The following TBL1XR1 variants were observed in gnomAD, a reference collection of about 807,000 sequenced individuals.
TBL1XR1 encodes the protein F-box-like/WD repeat-containing protein TBL1XR1.
TBL1XR1 carries 5 observed loss-of-function variants against 66.9 expected under a neutral mutation model. That is an observed-to-expected ratio of 0.07 (90% confidence interval 0.04 to 0.16). TBL1XR1 has a LOEUF of 0.16. Ranked by LOEUF, TBL1XR1 falls within the 10% of genes least tolerant of loss-of-function variation. TBL1XR1 has a pLI of 1.00. For synonymous variants in TBL1XR1, 210 were observed against 206.0 expected, an observed-to-expected ratio of 1.02 and a Z score of -0.17; for missense variants, 238 against 623.2, an observed-to-expected ratio of 0.38 and a Z score of 6.58.
rs761647251 is a variant in TBL1XR1 at position 177,189,649 on chromosome 3, C to CAAAAAAAAAAA, written c.-122+7461_-122+7471dup. On this transcript the variant is annotated intron_variant, in intron 1 of 15. Transcript: ENST00000457928. ...TGGGAGACAGAGCAAGACTCCATCTCAAAAAAAAAAAAAAAAGAAGGATGT... is the reference window on the plus strand; with the variant it reads ...TGGGAGACAGAGCAAGACTCCATCTCAAAAAAAAAAAAAAAAAAAAAAAAAAAGAAGGATGT... Among the ~76,000 whole-genome samples, 116 of 45,184 alleles carry CAAAAAAAAAAA rather than the reference C, an allele frequency of 2.6e-3. 4 individuals are homozygous for CAAAAAAAAAAA. The highest frequency in any genetic ancestry group is 9.8e-3 in the African/African-American group (114 of 11,584). The allele number at this position is 45,184 out of a possible 152,430, so 29.6% of individuals were successfully genotyped here. A position where few individuals can be genotyped will look rare whatever the true frequency, so the allele number is the denominator to read the frequency against.
chr3:177,171,376 T>C (rs1460650108), intron 1 of TBL1XR1: 1 of 150,758 alleles, frequency 6.6e-6, no homozygotes, highest in Non-Finnish European at 1.5e-5. Flanking sequence ...ATAAAATCCA[T>C]ATGAAGACAC....
intron 1 of TBL1XR1, among the ~76,000 whole-genome samples, chr3:177,181,973 T>G (rs964252767): frequency 2.0e-5 from 3 of 152,152 alleles, no homozygotes; most frequent in African/African-American, 7.2e-5. Flanking sequence ...TTACCCACAT[T>G]TTGAGTATAT....
chr3:177,170,495 C>G (rs908671677), intron 1 of TBL1XR1, among the ~76,000 whole-genome samples: 1 of 152,180 alleles, frequency 6.6e-6, no homozygotes, highest in Non-Finnish European at 1.5e-5. Context: ...CTAAAAACAG[C>G]CTGTATTATG....
At position 177,032,946 on chromosome 3, in the gene TBL1XR1, G is replaced by C. The variant is rs16827730; in HGVS notation, c.1416+25C>G. 0.11 allele frequency: 164,272 copies of C among 1,501,028 alleles called. 9,677 individuals are homozygous for C. Among genetic ancestry groups the C allele is most frequent in the South Asian group, 0.13 (9,592 of 73,352 alleles). 93.0% of individuals were successfully genotyped at this position (1,501,028 alleles called of 1,614,324 possible). ...CTTCTACCTAAATTTAAGAGCACTT[G>C]ACCATTTAAATAATGAAGACATACC... On this transcript the variant is annotated intron_variant, in intron 14 of 15. Transcript: ENST00000457928.
intron 2 of TBL1XR1, among the ~76,000 whole-genome samples, chr3:177,083,906 GAT>G (rs1721775729): frequency 6.6e-6 from 1 of 151,906 alleles, no homozygotes; most frequent in Admixed American, 6.6e-5. Context: ...TGGCCAACAT[GAT>G]GAAACCCCAT....
chr3:177,046,418 A>G (rs1012245772), intron 9 of TBL1XR1, among the ~76,000 whole-genome samples: 11 of 152,132 alleles, frequency 7.2e-5, no homozygotes, highest in Non-Finnish European at 1.3e-4. Flanking sequence ...TTCAAATAAC[A>G]ATTACTGGTA....
chr3:177,135,331 GTGTATAC>G lies in TBL1XR1; in HGVS notation c.-121-36797_-121-36791del, dbSNP rs1728819239. 2.4e-5 allele frequency among the ~76,000 whole-genome samples: 2 copies of G among 84,362 alleles called. 1 individual carries two copies. Among genetic ancestry groups the G allele is most frequent in the African/African-American group, 9.3e-5 (2 of 21,454 alleles). The allele number at this position is 84,362 out of a possible 152,430, so 55.3% of individuals were successfully genotyped here. On this transcript the variant is annotated intron_variant, in intron 1 of 15. Coordinates refer to ENST00000457928, the MANE Select transcript of TBL1XR1 (RefSeq NM_024665.7). ...TCTGTGTGTGTGTGTGTGTGTGTGT[GTGTATAC>G]ATATATATATATATATATATATATA... is the stretch of plus-strand genomic sequence containing the variant.
At chr3:177,054,729 C>A (rs1717584335) in intron 3 of TBL1XR1, among the ~76,000 whole-genome samples, 1 of 152,110 alleles carries the variant, frequency 6.6e-6, no homozygotes, top group Non-Finnish European at 1.5e-5. Context: ...AATACCAATT[C>A]TTTGCCACTT....
chr3:177,173,423 C>T (rs973636793), intron 1 of TBL1XR1, among the ~76,000 whole-genome samples: 1 of 152,190 alleles, frequency 6.6e-6, no homozygotes, highest in African/African-American at 2.4e-5. Flanking sequence ...ACAAGATTAA[C>T]ATCACCAAGA....
rs553732453 is a variant in TBL1XR1, at chr3:177,163,601, C to T, written c.-122+33520G>A. 1.1e-4 allele frequency among the ~76,000 whole-genome samples: 16 copies of T among 151,870 alleles called. No individual in the cohort carries two copies. The East Asian group carries it at 2.7e-3, about 26-fold the overall frequency. On this transcript the variant is annotated intron_variant, in intron 1 of 15. Coordinates refer to ENST00000457928, the MANE Select transcript of TBL1XR1 (RefSeq NM_024665.7). ...CAAAACACATCAAAGTGACTAGTAC[C>T]CTAATATTTGTATTTAAAACAATAC...
intron 2 of TBL1XR1, among the ~76,000 whole-genome samples, chr3:177,070,993 C>T (rs1719906659): frequency 6.8e-6 from 1 of 148,050 alleles, no homozygotes; most frequent in African/African-American, 2.5e-5. Flanking sequence ...AAACTAACTA[C>T]TTATTCTAGC....
intron 4 of TBL1XR1, among the ~76,000 whole-genome samples, chr3:177,052,051 C>G (rs1717162223): frequency 6.6e-6 from 1 of 152,028 alleles, no homozygotes; most frequent in South Asian, 2.1e-4. Context: ...TTCTGTTAGT[C>G]AAAGCAACAA....
intron 2 of TBL1XR1, among the ~76,000 whole-genome samples, chr3:177,072,470 CA>C (rs11362981): frequency 0.38 from 48,285 of 128,696 alleles, 8,055 homozygotes; most frequent in East Asian, 0.66. Context: ...ACTATGCACT[CA>C]AAAAAAAAAA....
At chr3:177,191,091 T>C (rs1736088541) in intron 1 of TBL1XR1, among the ~76,000 whole-genome samples, 1 of 151,672 alleles carries the variant, frequency 6.6e-6, no homozygotes, top group African/African-American at 2.4e-5. Flanking sequence ...TGGCAAAAAC[T>C]ACCGTATTTG....
chr3:177,156,612 T>TG (rs1288401940), intron 1 of TBL1XR1, among the ~76,000 whole-genome samples: 1 of 151,548 alleles, frequency 6.6e-6, no homozygotes, highest in African/African-American at 2.4e-5. Flanking sequence ...AAAACACTTG[T>TG]GTCTGGAATA....
chr3:177,151,390 G>A (rs906683462), intron 1 of TBL1XR1, among the ~76,000 whole-genome samples: 1 of 152,176 alleles, frequency 6.6e-6, no homozygotes, highest in Non-Finnish European at 1.5e-5. Flanking sequence ...ACGGCAGTGG[G>A]GCCAGCATTA....
rs535819115 is a variant in TBL1XR1 at position 177,077,054 on chromosome 3, G to A, written c.-45-12032C>T. On this transcript the variant is annotated intron_variant, in intron 2 of 15. Transcript: ENST00000457928. Reference sequence around the variant, plus strand: ...GGCTATCCAAATGAGCAGACAACTGGAAGAGAGCCACAGTCAACCCACCTT... The same window carrying A: ...GGCTATCCAAATGAGCAGACAACTGAAAGAGAGCCACAGTCAACCCACCTT... Among the ~76,000 whole-genome samples, 10 of 152,288 alleles carry A rather than the reference G, an allele frequency of 6.6e-5. No individual in the cohort carries two copies. In the South Asian group the frequency reaches 1.4e-3, roughly 22 times the overall value.
At chr3:177,035,413 A>AT (rs71798306) in intron 12 of TBL1XR1, among the ~76,000 whole-genome samples, 42,617 of 130,706 alleles carry the variant, frequency 0.33, 8,005 homozygotes, top group East Asian at 0.53. Context: ...CCCTGCCCCA[A>AT]TTTTTTTTTT....
intron 2 of TBL1XR1, among the ~76,000 whole-genome samples, chr3:177,076,482 C>T (rs187043487): frequency 6.6e-6 from 1 of 152,114 alleles, no homozygotes; most frequent in East Asian, 1.9e-4. Context: ...ACCCTATTTC[C>T]AAGTAAGATT....
Sources: allele counts gnomAD v4.1 joint callset (sites outside exome capture counted in the v4.1 genomes callset), GRCh38; gene constraint gnomAD v4.1.1; transcripts MANE v1.5; gene names NCBI Gene and HGNC (gene_info 2026-07-23, HGNC 2026-07-21).